NRP1: variants seen among roughly 807,000 people sequenced by gnomAD.
The protein encoded by NRP1 is neuropilin-1.
NRP1 carries 35 observed loss-of-function variants against 106.7 expected under a neutral mutation model. That is an observed-to-expected ratio of 0.33 (90% confidence interval 0.25 to 0.43). The LOEUF (loss-of-function observed/expected upper bound fraction) is 0.43. Among genes scored for constraint, NRP1 ranks in the 20% least tolerant of loss-of-function variants. The probability of loss-of-function intolerance (pLI) is 1.00; values close to 1 mark genes in which losing one functional copy is unlikely to be tolerated. For missense variants in NRP1, 1,024 were observed against 1,170.4 expected, an observed-to-expected ratio of 0.87 and a Z score of 1.83; for synonymous variants, 437 against 417.9, an observed-to-expected ratio of 1.05 and a Z score of -0.56.
chr10:33,272,931 T>TA (rs911793722), intron 2 of NRP1, among the ~76,000 whole-genome samples: 1 of 152,068 alleles, frequency 6.6e-6, no homozygotes, highest in Non-Finnish European at 1.5e-5. Flanking sequence ...CTGTTGAGGA[T>TA]ACGTTCCTCT....
intron 2 of NRP1, among the ~76,000 whole-genome samples, chr10:33,293,004 C>T (rs1308069606): frequency 6.6e-6 from 1 of 151,158 alleles, no homozygotes; most frequent in Non-Finnish European, 1.5e-5. Flanking sequence ...AAAAAGCCCG[C>T]CAATGAAAGT....
Position 33,185,324 on chromosome 10 carries a change from C to T in NRP1, c.2431+304G>A, listed in dbSNP as rs191842434. On this transcript the variant is annotated intron_variant, in intron 15 of 16. Transcript: ENST00000374867. ...CTTTCCACTGTTCATCAAAATGTTT[C>T]GGTATGGCATCTATAGCTTGTAAGC... Among the ~76,000 whole-genome samples the T allele has an allele frequency of 7.2e-5, 11 of 152,266 alleles. 1 individual carries two copies. The highest frequency in any genetic ancestry group is 4.6e-4 in the Admixed American group (7 of 15,298).
In NRP1 at chr10:33,214,609, A is replaced by G. The variant is rs72788196; in HGVS notation, c.1283-892T>C. On this transcript the variant is annotated intron_variant, in intron 8 of 16. Coordinates refer to ENST00000374867, the MANE Select transcript of NRP1 (RefSeq NM_003873.7). Reference sequence around the variant, plus strand: ...CCAGACCCCACTTTGAATCTCCACTACACCAACTGCTACTTAAATTTTCAG... The same window carrying G: ...CCAGACCCCACTTTGAATCTCCACTGCACCAACTGCTACTTAAATTTTCAG... Among the ~76,000 whole-genome samples the G allele has an allele frequency of 7.3e-3, 1,116 of 152,220 alleles. 8 individuals are homozygous for G. Among genetic ancestry groups the G allele is most frequent in the Non-Finnish European group, 0.013 (898 of 68,014 alleles).
chr10:33,204,675 G>A (rs1033478463), intron 10 of NRP1, among the ~76,000 whole-genome samples: 1 of 152,148 alleles, frequency 6.6e-6, no homozygotes, highest in East Asian at 1.9e-4. Context: ...GGAAGCAAAT[G>A]ATATGTATGT....
chr10:33,256,356 G>A lies in NRP1; in HGVS notation c.774C>T (p.Phe258=), dbSNP rs1394994898. ...YTDSAIAKEG[F]SANYSVLQSS... Reference sequence around the variant, plus strand: ...TCTGCAAGACACTGTAGTTTGCTGAGAAACCTTCTTTTGCTATCGCGCTGT... The same window carrying A: ...TCTGCAAGACACTGTAGTTTGCTGAAAAACCTTCTTTTGCTATCGCGCTGT... The change falls in exon 5 of 17, where the codon TTC becomes TTT. Residue 258 remains phenylalanine (F), a synonymous_variant. Transcript: ENST00000374867. 5 of 1,614,090 alleles carry A rather than the reference G, an allele frequency of 3.1e-6. No homozygotes were observed. Among genetic ancestry groups the A allele is most frequent in the Non-Finnish European group, 4.2e-6 (5 of 1,180,038 alleles).
intron 11 of NRP1, among the ~76,000 whole-genome samples, chr10:33,199,209 A>AT (rs1170314925): frequency 1.3e-5 from 2 of 150,348 alleles, no homozygotes; most frequent in African/African-American, 4.9e-5. Context: ...TGAAATCTGT[A>AT]TTTTTTTGAG....
chr10:33,298,516 A>T (rs553102356), intron 2 of NRP1, among the ~76,000 whole-genome samples: 12 of 152,258 alleles, frequency 7.9e-5, no homozygotes, highest in African/African-American at 2.6e-4. Flanking sequence ...CCCTGGAAAG[A>T]ACCCCAGTAG....
rs1418362804 is a variant in NRP1 at position 33,185,521 on chromosome 10, C to T, written c.2431+107G>A. On this transcript the variant is annotated intron_variant, in intron 15 of 16. Coordinates refer to ENST00000374867, the MANE Select transcript of NRP1 (RefSeq NM_003873.7). The stretch of plus-strand genomic sequence containing the variant: ...GCATTTCCTATGATGTGCCGAGAGG[C>T]CACACCGAAATTCTAGGTAGAAATG... The T allele has an allele frequency of 3.9e-5, 31 of 792,624 alleles. 1 individual carries two copies. The Admixed American group carries it at 7.1e-4, about 18-fold the overall frequency. The allele number at this position is 792,624 out of a possible 1,614,324, so 49.1% of individuals were successfully genotyped here. A position where few individuals can be genotyped will look rare whatever the true frequency, so the allele number is the denominator to read the frequency against.
Position 33,238,523 on chromosome 10 carries a change from A to G in NRP1, c.982-12234T>C, listed in dbSNP as rs996467581. 3.3e-5 allele frequency among the ~76,000 whole-genome samples: 5 copies of G among 152,214 alleles called. No individual in the cohort carries two copies. In the South Asian group the frequency reaches 6.2e-4, roughly 19 times the overall value. On this transcript the variant is annotated intron_variant, in intron 6 of 16. Transcript: ENST00000374867. ...AGGTGATAAGATTCCTGCCCTCTAG[A>G]CAGTGAGGGAAAGAGTCAAGTAAAT...
At chr10:33,288,100 T>C (rs1191651454) in intron 2 of NRP1, among the ~76,000 whole-genome samples, 1 of 152,160 alleles carries the variant, frequency 6.6e-6, no homozygotes, top group Non-Finnish European at 1.5e-5. Flanking sequence ...ATATATATCC[T>C]AGTAGATAAA....
chr10:33,201,834 T>C (rs1159389896), intron 11 of NRP1: 1 of 152,198 alleles, frequency 6.6e-6, no homozygotes, highest in African/African-American at 2.4e-5. Context: ...TTTTACTCTT[T>C]ATTCCATCTT....
chr10:33,215,874 C>T (rs188706834), intron 8 of NRP1, among the ~76,000 whole-genome samples: 1 of 152,280 alleles, frequency 6.6e-6, no homozygotes, highest in East Asian at 1.9e-4. Flanking sequence ...CTTGCAAGGC[C>T]TCTCCCCATT....
At chr10:33,280,235 A>G (rs1564450751) in intron 2 of NRP1, among the ~76,000 whole-genome samples, 1 of 152,230 alleles carries the variant, frequency 6.6e-6, no homozygotes, top group African/African-American at 2.4e-5. Context: ...CACCCTTCAC[A>G]TGGGAAAATA....
At position 33,197,674 on chromosome 10, in the gene NRP1, C is replaced by A; in HGVS notation, c.1900G>T (p.Val634Phe). Residue 634 changes from valine (V) to phenylalanine (F), a missense_variant, in exon 12 of 17, where the codon GTC becomes TTC. Around this residue, in one of 5 missense-constraint regions of NRP1, gnomAD observed 562 missense variants for 620.3 expected, o/e 0.91. Transcript: ENST00000374867. ...TTVLATEKPT[V>F]IDSTIQSEFP... Reference sequence around the variant, plus strand: ...CCTGATTGTATGGTGCTGTCTATGACCGTGGGCTTTTCTGTGGCCAGCACA... The same window carrying A: ...CCTGATTGTATGGTGCTGTCTATGAACGTGGGCTTTTCTGTGGCCAGCACA... The A allele has an allele frequency of 1.2e-6, 2 of 1,606,282 alleles. No individual in the cohort carries two copies. Among genetic ancestry groups the A allele is most frequent in the Admixed American group, 1.7e-5 (1 of 58,922 alleles).
chr10:33,190,935 C>G (rs1199520930), intron 13 of NRP1, among the ~76,000 whole-genome samples: 1 of 152,072 alleles, frequency 6.6e-6, no homozygotes, highest in Non-Finnish European at 1.5e-5. Context: ...GTCACTGCAG[C>G]CTTGAACTCC....
intron 2 of NRP1, among the ~76,000 whole-genome samples, chr10:33,273,890 C>T (rs1843494139): frequency 6.6e-6 from 1 of 152,120 alleles, no homozygotes; most frequent in Non-Finnish European, 1.5e-5. Context: ...TCTCTCTGCT[C>T]ACATACAGAC....
At chr10:33,226,105 T>A in intron 7 of NRP1, 29 bp downstream of exon 7, 2 of 1,610,770 alleles carry the variant, frequency 1.2e-6, no homozygotes, top group Non-Finnish European at 1.7e-6. Flanking sequence ...AAAGACCAAA[T>A]TGGTTGCCAC....
At chr10:33,306,752 GAACAA>G (rs1353404004) in intron 2 of NRP1, among the ~76,000 whole-genome samples, 11 of 152,188 alleles carry the variant, frequency 7.2e-5, no homozygotes, top group African/African-American at 2.7e-4. Context: ...GGTTTCATGA[GAACAA>G]AGTTATTTCT....
chr10:33,198,266 C>T (rs535793646), intron 11 of NRP1, among the ~76,000 whole-genome samples: 8 of 151,756 alleles, frequency 5.3e-5, no homozygotes, highest in Admixed American at 3.3e-4. Context: ...CTCAGACTCC[C>T]GAGTAGCTGG....
Sources: allele counts gnomAD v4.1 joint callset (sites outside exome capture counted in the v4.1 genomes callset), GRCh38; gene constraint gnomAD v4.1.1; regional missense constraint gnomAD v4.1.1; transcripts MANE v1.5; gene names NCBI Gene and HGNC (gene_info 2026-07-23, HGNC 2026-07-21).